RBFOX1: variants seen among roughly 807,000 people sequenced by gnomAD.
RBFOX1 encodes the protein RNA binding fox-1 homolog 1.
A neutral mutation model predicts 57.7 loss-of-function variants in RBFOX1; 8 were observed. That is an observed-to-expected ratio of 0.14 (90% CI 0.08 to 0.25). The LOEUF (loss-of-function observed/expected upper bound fraction) is 0.25, where lower values mean the gene tolerates loss of function less well. Ranked by LOEUF, RBFOX1 falls within the 10% of genes least tolerant of loss-of-function variation. The probability of loss-of-function intolerance (pLI) is 1.00; values close to 1 mark genes in which losing one functional copy is unlikely to be tolerated. For synonymous variants in RBFOX1, 326 were observed against 222.4 expected, an observed-to-expected ratio of 1.47 and a Z score of -4.15; for missense variants, 611 against 548.5, an observed-to-expected ratio of 1.11 and a Z score of -1.14.
At chr16:6,267,516 T>C (rs548062982) in intron 1 of RBFOX1, among the ~76,000 whole-genome samples, 1 of 152,312 alleles carries the variant, frequency 6.6e-6, no homozygotes, top group African/African-American at 2.4e-5. Context: ...TTGATTCCTT[T>C]GTGAAAACGA....
rs71391610 is a variant in RBFOX1, at chr16:7,251,405, GT to G, written c.27+199323del. On this transcript the variant is annotated intron_variant, in intron 4 of 15. Coordinates refer to ENST00000550418, the MANE Select transcript of RBFOX1 (RefSeq NM_018723.4). ...GTAGATACAGAGCATACTTCTGTCC[GT>G]TTTTTTTTTTTTTTTCTGTGGGGGA... Among the ~76,000 whole-genome samples, 834 of 127,904 alleles carry G rather than the reference GT, an allele frequency of 6.5e-3. 19 individuals are homozygous for G. The highest frequency in any genetic ancestry group is 0.047 in the Admixed American group (572 of 12,240). 83.9% of individuals were successfully genotyped at this position (127,904 alleles called of 152,430 possible). A position where few individuals can be genotyped will look rare whatever the true frequency, so the allele number is the denominator to read the frequency against.
rs563926299 is a variant in RBFOX1, at chr16:7,467,812, G to T, written c.28-50335G>T. On this transcript the variant is annotated intron_variant, in intron 4 of 15. Coordinates refer to ENST00000550418, the MANE Select transcript of RBFOX1 (RefSeq NM_018723.4). The stretch of plus-strand genomic sequence containing the variant: ...ATTACTTTTGCCCTGCCTGACTTCA[G>T]TCTTTACAGAGTCCTTCTTTGTTTC... 2.3e-3 allele frequency among the ~76,000 whole-genome samples: 348 copies of T among 152,298 alleles called. 1 individual carries two copies. Among genetic ancestry groups the T allele is most frequent in the Non-Finnish European group, 4.0e-3 (269 of 68,034 alleles).
chr16:5,677,481 A>G (rs1274673482), intron 3 of RBFOX1, among the ~76,000 whole-genome samples: 1 of 152,218 alleles, frequency 6.6e-6, no homozygotes, highest in Non-Finnish European at 1.5e-5. Flanking sequence ...ATTAGGAGTG[A>G]AGGATAGACT....
chr16:6,653,049 C>G (rs537224625), intron 2 of RBFOX1, among the ~76,000 whole-genome samples: 3 of 152,276 alleles, frequency 2.0e-5, no homozygotes, highest in South Asian at 4.1e-4. Context: ...CTTCCTCTTG[C>G]TTGGCTCTTT....
chr16:6,552,892 C>T (rs996511610), intron 2 of RBFOX1, among the ~76,000 whole-genome samples: 3 of 151,808 alleles, frequency 2.0e-5, no homozygotes, highest in Admixed American at 6.6e-5. Context: ...CATAATATAA[C>T]AAAATGTATG....
rs1389557035 is a variant in RBFOX1, at chr16:6,483,938, C to T, written c.-64+166881C>T. ...CGGTATGTAAGCCGAGCTCCAGCTCCGGGGACCTCGGAGACTGTGCTCAGG... is the reference window on the plus strand; with the variant it reads ...CGGTATGTAAGCCGAGCTCCAGCTCTGGGGACCTCGGAGACTGTGCTCAGG... On this transcript the variant is annotated intron_variant, in intron 2 of 15. Transcript: ENST00000550418. 9 of 1,057,774 alleles carry T rather than the reference C, an allele frequency of 8.5e-6. No individual in the cohort carries two copies. In the African/African-American group the frequency reaches 1.5e-4, roughly 18 times the overall value. The allele number at this position is 1,057,774 out of a possible 1,614,324, so 65.5% of individuals were successfully genotyped here. A position where few individuals can be genotyped will look rare whatever the true frequency, so the allele number is the denominator to read the frequency against.
chr16:5,589,620 GC>G (rs1429132268), intron 2 of RBFOX1, among the ~76,000 whole-genome samples: 1 of 152,186 alleles, frequency 6.6e-6, no homozygotes, highest in Non-Finnish European at 1.5e-5. Flanking sequence ...CATGAAAGTG[GC>G]TAGTCCTAGG....
intron 5 of RBFOX1, among the ~76,000 whole-genome samples, chr16:7,565,939 C>T (rs141386976): frequency 1.3e-3 from 205 of 152,092 alleles, no homozygotes; most frequent in African/African-American, 4.7e-3. Flanking sequence ...TTTGGGGATG[C>T]TCGTGGATGA....
chr16:7,706,394 G>A (rs1034063799), intron 14 of RBFOX1, among the ~76,000 whole-genome samples: 1 of 152,130 alleles, frequency 6.6e-6, no homozygotes, highest in Non-Finnish European at 1.5e-5. Flanking sequence ...AGAGAATACT[G>A]CCAAATTGTT....
chr16:5,412,784 C>G (rs1011720378), intron 1 of RBFOX1, among the ~76,000 whole-genome samples: 3 of 152,250 alleles, frequency 2.0e-5, no homozygotes, highest in Non-Finnish European at 4.4e-5. Flanking sequence ...CGCCCTAGGG[C>G]TGGCACCTAC....
intron 1 of RBFOX1, among the ~76,000 whole-genome samples, chr16:5,287,948 A>G (rs117648264): frequency 0.024 from 3,660 of 152,284 alleles, 79 homozygotes; most frequent in African/African-American, 0.058. Context: ...ATGCAATTCA[A>G]TAAGTATTTG....
intron 14 of RBFOX1, among the ~76,000 whole-genome samples, chr16:7,685,253 G>A (rs1422135374): frequency 6.6e-6 from 1 of 152,078 alleles, no homozygotes; most frequent in Non-Finnish European, 1.5e-5. Flanking sequence ...AGAGATAAGA[G>A]GATCTATCTT....
intron 1 of RBFOX1, among the ~76,000 whole-genome samples, chr16:6,299,333 G>T (rs1567881868): frequency 6.6e-6 from 1 of 152,186 alleles, no homozygotes; most frequent in Non-Finnish European, 1.5e-5. Flanking sequence ...AATGGCTAAA[G>T]TTGAGCAGGC....
At chr16:6,313,341 A>T (rs941491929) in intron 1 of RBFOX1, among the ~76,000 whole-genome samples, 1 of 152,210 alleles carries the variant, frequency 6.6e-6, no homozygotes, top group Admixed American at 6.5e-5. Context: ...TACATTTTGT[A>T]AGGGTCACAC....
intron 4 of RBFOX1, among the ~76,000 whole-genome samples, chr16:7,068,878 C>G (rs114224851): frequency 4.6e-5 from 7 of 152,316 alleles, no homozygotes; most frequent in Admixed American, 1.3e-4. Context: ...CATGAGCCAC[C>G]GCGCCCGGCC....
intron 11 of RBFOX1, among the ~76,000 whole-genome samples, chr16:7,632,950 A>G (rs969929697): frequency 6.6e-6 from 1 of 152,218 alleles, no homozygotes; most frequent in African/African-American, 2.4e-5. Flanking sequence ...TTCTAAAGTG[A>G]ATTGGGGAAG....
At chr16:5,369,704 G>C (rs554701546) in intron 1 of RBFOX1, among the ~76,000 whole-genome samples, 2 of 152,178 alleles carry the variant, frequency 1.3e-5, no homozygotes, top group Admixed American at 6.5e-5. Flanking sequence ...TCAGAGGTGG[G>C]TCTCAGTCAG....
chr16:7,189,586 C>CACACAG (rs1291219168), intron 4 of RBFOX1, among the ~76,000 whole-genome samples: 36 of 146,024 alleles, frequency 2.5e-4, no homozygotes, highest in African/African-American at 9.3e-4. Flanking sequence ...CACACACACA[C>CACACAG]ATACACACAC....
At chr16:6,169,971 G>C (rs1185640969) in intron 1 of RBFOX1, among the ~76,000 whole-genome samples, 1 of 152,040 alleles carries the variant, frequency 6.6e-6, no homozygotes, top group Non-Finnish European at 1.5e-5. Flanking sequence ...GTTTTACCAT[G>C]TTGGCCAGGC....
Sources: allele counts gnomAD v4.1 joint callset (sites outside exome capture counted in the v4.1 genomes callset), GRCh38; gene constraint gnomAD v4.1.1; transcripts MANE v1.5; gene names NCBI Gene and HGNC (gene_info 2026-07-23, HGNC 2026-07-21).